The following ANO1 variants were observed in gnomAD, a reference collection of about 807,000 sequenced individuals.
ANO1 encodes the protein anoctamin 1.
A neutral mutation model predicts 124.0 loss-of-function variants in ANO1; 59 were observed. That is an observed-to-expected ratio of 0.48 (90% confidence interval 0.39 to 0.59). ANO1 has a LOEUF of 0.59. Among genes scored for constraint, ANO1 ranks in the 20% least tolerant of loss-of-function variants. The probability of loss-of-function intolerance (pLI) is 0.00; values close to 1 mark genes in which losing one functional copy is unlikely to be tolerated. For synonymous variants in ANO1, 529 were observed against 532.0 expected, an observed-to-expected ratio of 0.99 and a Z score of 0.08; for missense variants, 1,059 against 1,328.0, an observed-to-expected ratio of 0.80 and a Z score of 3.15.
At chr11:70,014,954 G>A (rs558259976) in intron 1 of ANO1, 2 of 151,892 alleles carry the variant, frequency 1.3e-5, no homozygotes, top group South Asian at 4.2e-4. Context: ...GTGGGCAACA[G>A]GAGTGGGAAG....
intron 7 of ANO1, among the ~76,000 whole-genome samples, chr11:70,115,071 A>AAACACT (rs1450563201): frequency 6.6e-6 from 1 of 152,182 alleles, no homozygotes; most frequent in East Asian, 1.9e-4. Context: ...AGAAACTGGG[A>AAACACT]AACACTAAAA....
At chr11:70,117,127 T>C (rs1271379661) in intron 8 of ANO1, among the ~76,000 whole-genome samples, 2 of 124,808 alleles carry the variant, frequency 1.6e-5, no homozygotes, top group Non-Finnish European at 3.2e-5. Context: ...TTTTTTGAGT[T>C]GGAGTCGCAC....
intron 1 of ANO1, among the ~76,000 whole-genome samples, chr11:69,997,438 C>A (rs2120340184): frequency 6.6e-6 from 1 of 152,292 alleles, no homozygotes; most frequent in South Asian, 2.1e-4. Context: ...GCCCCAGGAC[C>A]ATGGCTCTGA....
intron 20 of ANO1, 60 bp from the exon 21 acceptor site, chr11:70,167,182 G>T: frequency 3.1e-6 from 5 of 1,589,828 alleles, no homozygotes; most frequent in Middle Eastern, 1.7e-4. Flanking sequence ...AGAGGTGCCA[G>T]ACCCAAGCCC....
At chr11:70,115,971 C>T (rs1196954026) in intron 7 of ANO1, among the ~76,000 whole-genome samples, 1 of 152,164 alleles carries the variant, frequency 6.6e-6, no homozygotes, top group Non-Finnish European at 1.5e-5. Flanking sequence ...GTGATTCCAT[C>T]TGTAGAATGG....
chr11:70,126,532 C>T (rs2046517358), intron 10 of ANO1, among the ~76,000 whole-genome samples: 1 of 152,206 alleles, frequency 6.6e-6, no homozygotes, highest in Admixed American at 6.5e-5. Context: ...TTTCTGTTTC[C>T]TTGTGTGGCC....
intron 1 of ANO1, among the ~76,000 whole-genome samples, chr11:69,991,678 C>T (rs1170921724): frequency 6.6e-6 from 1 of 152,194 alleles, no homozygotes; most frequent in Non-Finnish European, 1.5e-5. Context: ...ACTAAACAGA[C>T]ATAGATGCAT....
At chr11:70,155,179 C>T (rs2047759618) in intron 14 of ANO1, among the ~76,000 whole-genome samples, 1 of 152,246 alleles carries the variant, frequency 6.6e-6, no homozygotes, top group South Asian at 2.1e-4. Context: ...GCTTTTGTGA[C>T]ACACACTATG....
chr11:70,032,108 G>T (rs1857012433), intron 1 of ANO1, among the ~76,000 whole-genome samples: 1 of 152,220 alleles, frequency 6.6e-6, no homozygotes, highest in Non-Finnish European at 1.5e-5. Flanking sequence ...GAAGGAGGAG[G>T]CAGGAAAGGA....
intron 1 of ANO1, among the ~76,000 whole-genome samples, chr11:70,068,797 A>G (rs1009554659): frequency 6.6e-6 from 1 of 152,158 alleles, no homozygotes; most frequent in Non-Finnish European, 1.5e-5. Flanking sequence ...GGGCAGTCCC[A>G]GTGGTCATCT....
At chr11:70,062,646 C>T (rs782068201) in intron 1 of ANO1, among the ~76,000 whole-genome samples, 4 of 152,172 alleles carry the variant, frequency 2.6e-5, no homozygotes, top group Non-Finnish European at 5.9e-5. Context: ...CCTGTCTCAG[C>T]AAGGGGGTTC....
intron 4 of ANO1, 92 bp downstream of exon 4, chr11:70,104,242 C>T (rs1265418626): frequency 1.4e-6 from 2 of 1,391,688 alleles, no homozygotes; most frequent in Non-Finnish European, 9.6e-7. Flanking sequence ...TTATCTGTCC[C>T]CCAAAGAAGA....
intron 4 of ANO1, 71 bp from the exon 5 acceptor site, chr11:70,105,663 A>T: frequency 7.0e-7 from 1 of 1,438,030 alleles, no homozygotes; most frequent in Non-Finnish European, 9.8e-7. Flanking sequence ...GTGGTTTCCC[A>T]GGGCCTTGAA....
chr11:70,001,873 C>T (rs1856388173), intron 1 of ANO1, among the ~76,000 whole-genome samples: 1 of 152,066 alleles, frequency 6.6e-6, no homozygotes, highest in African/African-American at 2.4e-5. Context: ...AATCTCAGCT[C>T]GCTGCAACCT....
At chr11:70,165,051 G>C (rs1416839424) in intron 19 of ANO1, among the ~76,000 whole-genome samples, 6 of 152,128 alleles carry the variant, frequency 3.9e-5, no homozygotes, top group Admixed American at 3.3e-4. Flanking sequence ...CAACATCCAG[G>C]TGTTAGCCGG....
At chr11:70,095,445 AGGG>A (rs2044909483) in intron 2 of ANO1, among the ~76,000 whole-genome samples, 2 of 150,018 alleles carry the variant, frequency 1.3e-5, no homozygotes, top group Admixed American at 6.7e-5. Context: ...AGAAAGAAAG[AGGG>A]AAAGAAAATT....
intron 23 of ANO1, 102 bp from the exon 24 acceptor site, chr11:70,182,400 T>TG: frequency 1.0e-6 from 1 of 995,200 alleles, no homozygotes; most frequent in Non-Finnish European, 1.4e-6. Context: ...CAGTGGCATA[T>TG]GGCCAGGGTC....
chr11:70,101,773 G>A (rs1107443), intron 2 of ANO1, among the ~76,000 whole-genome samples: 6 of 151,798 alleles, frequency 4.0e-5, no homozygotes, highest in African/African-American at 7.2e-5. Context: ...GCCGGCACTC[G>A]CTCTTCCTCC....
At chr11:69,991,108 A>G (rs1856145952) in intron 1 of ANO1, among the ~76,000 whole-genome samples, 2 of 152,172 alleles carry the variant, frequency 1.3e-5, no homozygotes, top group Non-Finnish European at 2.9e-5. Flanking sequence ...TTTTATATTT[A>G]GGTCAGTCCA....
Sources: allele counts gnomAD v4.1 joint callset (sites outside exome capture counted in the v4.1 genomes callset), GRCh38; gene constraint gnomAD v4.1.1; transcripts MANE v1.5; gene names NCBI Gene and HGNC (gene_info 2026-07-23, HGNC 2026-07-21).